PSD3: variants seen among roughly 807,000 people sequenced by gnomAD.
PSD3 encodes the protein pleckstrin and Sec7 domain containing 3, also known as PH and SEC7 domain-containing protein 3.
PSD3 carries 49 observed loss-of-function variants against 105.5 expected under a neutral mutation model. The ratio of observed to expected loss-of-function variants is 0.46; its 90% CI spans 0.37 to 0.59. The LOEUF (loss-of-function observed/expected upper bound fraction) is 0.59, where lower values mean the gene tolerates loss of function less well. Ranked by LOEUF, PSD3 falls within the 20% of genes least tolerant of loss-of-function variation. PSD3 has a pLI of 0.00. For missense variants in PSD3, 1,561 were observed against 1,263.8 expected (o/e 1.24, Z -3.57); for synonymous variants, 557 against 457.8 (o/e 1.22, Z -2.77).
intron 1 of PSD3, among the ~76,000 whole-genome samples, chr8:19,067,243 A>G (rs555841267): frequency 6.6e-6 from 1 of 152,342 alleles, no homozygotes; most frequent in South Asian, 2.1e-4. Context: ...TAGTAACTAC[A>G]GTAGTGCTAC....
At chr8:19,008,137 C>A (rs1035332413) in intron 1 of PSD3, among the ~76,000 whole-genome samples, 1 of 152,212 alleles carries the variant, frequency 6.6e-6, no homozygotes, top group Non-Finnish European at 1.5e-5. Flanking sequence ...AGCCATGGCG[C>A]CCGGCCAAGG....
chr8:18,984,807 C>G (rs1031638731), intron 1 of PSD3, among the ~76,000 whole-genome samples: 8 of 152,190 alleles, frequency 5.3e-5, no homozygotes, highest in Non-Finnish European at 1.0e-4. Context: ...TACGGCCAAG[C>G]TGCAGTGCAC....
At position 18,533,120 on chromosome 8, in the gene PSD3, C is replaced by G. The variant is rs1469795252; in HGVS notation, c.*2623G>C. ...TAGATGCCACAGGAAATAAATTATC[C>G]CAAAGGAAAATGTGGTTGGCTATGG... On this transcript the variant is annotated 3_prime_UTR_variant, in exon 16 of 16. Transcript: ENST00000327040. The G allele has an allele frequency of 6.6e-6, 1 of 152,054 alleles. No individual in the cohort carries two copies. Among genetic ancestry groups the G allele is most frequent in the Non-Finnish European group, 1.5e-5 (1 of 68,016 alleles). The allele number at this position is 152,054 out of a possible 1,614,324, so 9.4% of individuals were successfully genotyped here.
At position 18,804,408 on chromosome 8, in the gene PSD3, T is replaced by C. The variant is rs1315783710; in HGVS notation, c.1910+114A>G. The C allele has an allele frequency of 8.2e-6, 7 of 850,992 alleles. No individual in the cohort carries two copies. The East Asian group carries it at 1.6e-4, about 20-fold the overall frequency. The allele number at this position is 850,992 out of a possible 1,614,324, so 52.7% of individuals were successfully genotyped here. On this transcript the variant is annotated intron_variant, in intron 6 of 15. Coordinates refer to ENST00000327040, the MANE Select transcript of PSD3 (RefSeq NM_015310.4). ...CATTTTGGAGAAGGAATACTCCACC[T>C]ATACATGGAGGTTTAAAAAAAAAAA... is the stretch of plus-strand genomic sequence containing the variant.
At chr8:18,985,902 T>C (rs1479625769) in intron 1 of PSD3, among the ~76,000 whole-genome samples, 2 of 151,972 alleles carry the variant, frequency 1.3e-5, no homozygotes, top group Non-Finnish European at 2.9e-5. Flanking sequence ...ATTAATAGTA[T>C]TATATTATAA....
upstream of PSD3, among the ~76,000 whole-genome samples, chr8:19,015,929 A>G (rs1299669766): frequency 6.6e-6 from 1 of 152,204 alleles, no homozygotes; most frequent in Non-Finnish European, 1.5e-5. Context: ...AAAGCTGATC[A>G]CATCTATTAA....
chr8:18,776,555 T>C (rs967125286), intron 8 of PSD3, among the ~76,000 whole-genome samples: 1 of 151,894 alleles, frequency 6.6e-6, no homozygotes, highest in African/African-American at 2.4e-5. Flanking sequence ...TTTTTCTATT[T>C]TTAGTAGAGA....
chr8:18,719,758 G>A (rs1443574018), intron 9 of PSD3, among the ~76,000 whole-genome samples: 1 of 152,092 alleles, frequency 6.6e-6, no homozygotes. Flanking sequence ...TAATCTTCAA[G>A]TTACCTAAAT....
At chr8:18,773,284 T>C (rs1243083171) in intron 8 of PSD3, among the ~76,000 whole-genome samples, 1 of 152,206 alleles carries the variant, frequency 6.6e-6, no homozygotes, top group Non-Finnish European at 1.5e-5. Context: ...ATTTCCCCAA[T>C]GAGTGGTCTT....
chr8:18,912,666 C>G (rs974308965), intron 2 of PSD3, among the ~76,000 whole-genome samples: 2 of 152,192 alleles, frequency 1.3e-5, no homozygotes, highest in Non-Finnish European at 2.9e-5. Flanking sequence ...GTTCCACAAC[C>G]TGACCAGGGC....
intron 10 of PSD3, 41 bp from the exon 11 acceptor site, chr8:18,632,847 C>T (rs1170820363): frequency 7.1e-7 from 1 of 1,403,468 alleles, no homozygotes; most frequent in Non-Finnish European, 9.7e-7. Flanking sequence ...AAGCACCTAT[C>T]ATAATATTCA....
At chr8:18,620,670 A>C (rs1806050111) in intron 11 of PSD3, among the ~76,000 whole-genome samples, 1 of 152,182 alleles carries the variant, frequency 6.6e-6, no homozygotes, top group Non-Finnish European at 1.5e-5. Context: ...AGATCACACC[A>C]CTGCACTATG....
At chr8:18,583,818 A>G (rs1802976559) in intron 12 of PSD3, among the ~76,000 whole-genome samples, 1 of 152,196 alleles carries the variant, frequency 6.6e-6, no homozygotes, top group African/African-American at 2.4e-5. Flanking sequence ...CTTCAGAATG[A>G]AGAAGAAAGC....
chr8:18,737,188 AT>A (rs1308016450), intron 9 of PSD3, among the ~76,000 whole-genome samples: 42 of 152,290 alleles, frequency 2.8e-4, no homozygotes, highest in African/African-American at 1.0e-3. Context: ...AGTCTTTGTA[AT>A]TGTCCCAGGT....
At chr8:18,909,511 G>A (rs184475353) in intron 2 of PSD3, among the ~76,000 whole-genome samples, 427 of 152,066 alleles carry the variant, frequency 2.8e-3, no homozygotes, top group African/African-American at 9.9e-3. Flanking sequence ...AGGAAGCCTT[G>A]CCCTGTCACC....
intron 14 of PSD3, among the ~76,000 whole-genome samples, chr8:18,571,172 A>G (rs1275842188): frequency 6.6e-6 from 1 of 152,012 alleles, no homozygotes; most frequent in Non-Finnish European, 1.5e-5. Flanking sequence ...TAAAGCTATT[A>G]TTTTAAGGAT....
chr8:18,620,485 G>T (rs1247316692), intron 11 of PSD3, among the ~76,000 whole-genome samples: 1 of 151,892 alleles, frequency 6.6e-6, no homozygotes, highest in Non-Finnish European at 1.5e-5. Context: ...CAAGCCTGGT[G>T]GATCACTTGA....
chr8:18,600,322 T>C (rs749505788), intron 12 of PSD3, 42 bp downstream of exon 12: 18 of 1,521,480 alleles, frequency 1.2e-5, no homozygotes, highest in South Asian at 3.4e-5. Flanking sequence ...CATGTAATTA[T>C]TTCATCGAGT....
chr8:18,746,521 T>A (rs746020909), intron 9 of PSD3, among the ~76,000 whole-genome samples: 2 of 152,216 alleles, frequency 1.3e-5, no homozygotes, highest in East Asian at 1.9e-4. Flanking sequence ...AGGGGGGGTG[T>A]TGCTGGTCAG....
Sources: gnomAD v4.1 joint callset for allele counts (sites outside exome capture counted in the v4.1 genomes callset) on GRCh38, gnomAD v4.1.1 for gene constraint, MANE v1.5 for transcripts, NCBI Gene and HGNC (gene_info 2026-07-23, HGNC 2026-07-21) for gene names.